UTRN: variants seen among roughly 807,000 people sequenced by gnomAD.
UTRN encodes utrophin.
UTRN carries 283 observed loss-of-function variants against 463.9 expected under a neutral mutation model. The ratio of observed to expected loss-of-function variants is 0.61; its 90% CI spans 0.55 to 0.67. The LOEUF (loss-of-function observed/expected upper bound fraction) is 0.67. UTRN is among the 30% of genes least tolerant of loss of function. The pLI is 0.00. For synonymous variants in UTRN, 1,442 were observed against 1,431.5 expected (o/e 1.01, Z -0.17); for missense variants, 3,922 against 4,084.3 (o/e 0.96, Z 1.08).
At chr6:144,650,323 AG>A (rs567956498) in intron 51 of UTRN, among the ~76,000 whole-genome samples, 85 of 152,356 alleles carry the variant, frequency 5.6e-4, no homozygotes, top group African/African-American at 2.0e-3. Flanking sequence ...AGGAGGTGGA[AG>A]AGAAAAGAAG....
intron 11 of UTRN, 35 bp from the exon 12 acceptor site, chr6:144,438,710 G>C (rs192235112): frequency 2.5e-6 from 4 of 1,611,994 alleles, no homozygotes; most frequent in Non-Finnish European, 3.4e-6. Flanking sequence ...AAGGGAAAAG[G>C]CTTGTAGGAA....
At chr6:144,640,812 AT>A (rs1449408884) in intron 51 of UTRN, among the ~76,000 whole-genome samples, 4 of 152,302 alleles carry the variant, frequency 2.6e-5, no homozygotes, top group South Asian at 4.1e-4. Flanking sequence ...AAATATACTA[AT>A]TTTTAATTTT....
chr6:144,748,115 T>A, intron 54 of UTRN, 131 bp from the exon 55 acceptor site: 1 of 1,218,698 alleles, frequency 8.2e-7, no homozygotes, highest in Non-Finnish European at 1.1e-6. Flanking sequence ...CCCTGGACAA[T>A]TTTTACCCTG....
At chr6:144,594,523 A>C (rs1171089492) in intron 51 of UTRN, among the ~76,000 whole-genome samples, 1 of 152,210 alleles carries the variant, frequency 6.6e-6, no homozygotes. Context: ...TGAATAAATA[A>C]ACCAAATTTC....
chr6:144,797,395 G>A (rs1426293244), intron 63 of UTRN, among the ~76,000 whole-genome samples: 4 of 151,964 alleles, frequency 2.6e-5, no homozygotes, highest in African/African-American at 4.8e-5. Context: ...GGGTTTCACC[G>A]TGTTGCCTAG....
intron 66 of UTRN, 61 bp from the exon 67 acceptor site, chr6:144,827,287 G>A (rs369649522): frequency 1.7e-5 from 27 of 1,597,986 alleles, no homozygotes; most frequent in Non-Finnish European, 2.2e-5. Flanking sequence ...CACTGCTTTT[G>A]TCTTAAATTG....
chr6:144,803,125 C>A lies in UTRN; in HGVS notation c.9335C>A (p.Pro3112Gln), dbSNP rs760071361. 1.3e-6 allele frequency: 2 copies of A among 1,590,518 alleles called. No homozygotes were observed. Among genetic ancestry groups the A allele is most frequent in the African/African-American group, 2.7e-5 (2 of 74,218 alleles). The stretch of plus-strand genomic sequence containing the variant: ...GCAAAAGGTCACAAATTACATTACC[C>A]AATGGTGGAATATTGTATACCTGTG... The part of the protein sequence containing the change: ...RTAKGHKLHY[P>Q]MVEYCIPTTS... Residue 3112 changes from proline to glutamine, a missense_variant, in exon 65 of 75, where the codon CCA (proline) becomes CAA (glutamine). This residue lies in a region of UTRN where 1,309 missense variants were observed against 1,452.6 expected (regional missense o/e 0.90). Transcript: ENST00000367545.
chr6:144,363,991 T>A (rs1779294181), intron 2 of UTRN, among the ~76,000 whole-genome samples: 1 of 152,072 alleles, frequency 6.6e-6, no homozygotes. Context: ...AGAAGGTGAA[T>A]CTGTCAGAGG....
chr6:144,715,997 T>G (rs555667765), intron 53 of UTRN, among the ~76,000 whole-genome samples: 1 of 152,276 alleles, frequency 6.6e-6, no homozygotes, highest in South Asian at 2.1e-4. Context: ...GAAATAGAAG[T>G]GTAAGCAATA....
At chr6:144,509,885 C>T (rs1337593013) in intron 34 of UTRN, among the ~76,000 whole-genome samples, 1 of 152,092 alleles carries the variant, frequency 6.6e-6, no homozygotes, top group Non-Finnish European at 1.5e-5. Flanking sequence ...TCTAGTCAAT[C>T]AGTACATGCC....
At chr6:144,840,136 C>T (rs1033967794) in intron 72 of UTRN, among the ~76,000 whole-genome samples, 34 of 151,642 alleles carry the variant, frequency 2.2e-4, no homozygotes, top group Non-Finnish European at 4.3e-4. Flanking sequence ...TGCAGTGAGC[C>T]GAGATCGCAC....
At chr6:144,609,692 C>T (rs965888430) in intron 51 of UTRN, among the ~76,000 whole-genome samples, 7 of 152,148 alleles carry the variant, frequency 4.6e-5, no homozygotes, top group Non-Finnish European at 1.0e-4. Context: ...CAAAACAAAC[C>T]TTAGCAAATG....
chr6:144,459,059 C>T (rs754454761), intron 20 of UTRN, 48 bp downstream of exon 20: 2 of 1,569,604 alleles, frequency 1.3e-6, no homozygotes, highest in Non-Finnish European at 1.7e-6. Context: ...TGTGCAGTTC[C>T]AGAGTTAAGG....
intron 39 of UTRN, among the ~76,000 whole-genome samples, chr6:144,518,244 C>T (rs1795797683): frequency 6.6e-6 from 1 of 152,186 alleles, no homozygotes; most frequent in African/African-American, 2.4e-5. Flanking sequence ...CACAGTTATT[C>T]TCCCCAAAGT....
chr6:144,306,797 T>TG (rs1295382607), intron 2 of UTRN, among the ~76,000 whole-genome samples: 1 of 151,610 alleles, frequency 6.6e-6, no homozygotes, highest in African/African-American at 2.4e-5. Context: ...GGATCATGCC[T>TG]GGAATCCCAG....
At chr6:144,758,680 A>G (rs1210002973) in intron 58 of UTRN, among the ~76,000 whole-genome samples, 1 of 152,122 alleles carries the variant, frequency 6.6e-6, no homozygotes, top group Non-Finnish European at 1.5e-5. Context: ...GCTTAGGGCT[A>G]TATATTGTCA....
intron 34 of UTRN, among the ~76,000 whole-genome samples, chr6:144,500,414 T>C (rs1490458101): frequency 6.6e-6 from 1 of 152,210 alleles, no homozygotes; most frequent in Non-Finnish European, 1.5e-5. Flanking sequence ...TATGTCCTTT[T>C]TGAAGTGTCT....
intron 64 of UTRN, among the ~76,000 whole-genome samples, chr6:144,801,817 G>T: frequency 6.6e-6 from 1 of 152,096 alleles, no homozygotes; most frequent in East Asian, 1.9e-4. Flanking sequence ...TCCCTAACAT[G>T]TGGCTTCCAT....
At chr6:144,824,794 C>A in intron 66 of UTRN, among the ~76,000 whole-genome samples, 1 of 146,566 alleles carries the variant, frequency 6.8e-6, no homozygotes, top group African/African-American at 2.5e-5. Flanking sequence ...GTCCCCCCAG[C>A]GTTAAGAATG....
Sources: gnomAD v4.1 joint callset for allele counts (sites outside exome capture counted in the v4.1 genomes callset) on GRCh38, gnomAD v4.1.1 for gene constraint, gnomAD v4.1.1 regional missense constraint, MANE v1.5 for transcripts, NCBI Gene and HGNC (gene_info 2026-07-23, HGNC 2026-07-21) for gene names.